The following GGT5 variants were observed in gnomAD, a reference collection of about 807,000 sequenced individuals.
The protein encoded by GGT5 is glutathione hydrolase 5 proenzyme.
Under a neutral mutation model 58.1 loss-of-function variants are expected in GGT5, and 50 were observed. The ratio of observed to expected loss-of-function variants is 0.86; its 90% CI spans 0.69 to 1.09. The LOEUF is 1.09. Among genes scored for constraint, GGT5 ranks in the 50% least tolerant of loss-of-function variants. The pLI, the probability that GGT5 is intolerant of heterozygous loss-of-function variation, is 0.00. For synonymous variants in GGT5, 370 were observed against 346.1 expected (o/e 1.07, Z -0.77); for missense variants, 800 against 789.4 (o/e 1.01, Z -0.16).
chr22:24,230,070 T>C (rs1328300856), intron 6 of GGT5, among the ~76,000 whole-genome samples: 1 of 150,854 alleles, frequency 6.6e-6, no homozygotes, highest in Non-Finnish European at 1.5e-5. Context: ...CCGTCTCTAC[T>C]AAAAAGATAA....
chr22:24,238,900 TA>T (rs2048233356), intron 1 of GGT5, among the ~76,000 whole-genome samples: 1 of 12,096 alleles, frequency 8.3e-5, no homozygotes, highest in African/African-American at 4.3e-4. Flanking sequence ...TTTATATATA[TA>T]TATATTATAT....
intron 1 of GGT5, among the ~76,000 whole-genome samples, chr22:24,234,975 C>A (rs1422140634): frequency 2.6e-5 from 4 of 151,892 alleles, no homozygotes; most frequent in Non-Finnish European, 5.9e-5. Context: ...GGGGCACAGG[C>A]CTGCACAGCT....
chr22:24,244,470 T>A (rs2048417047), intron 1 of GGT5, 83 bp downstream of exon 1: 35 of 1,037,960 alleles, frequency 3.4e-5, no homozygotes, highest in East Asian at 5.2e-5. Flanking sequence ...ATACATTCAC[T>A]CACACACACA....
chr22:24,234,037 TC>T, intron 1 of GGT5, 33 bp from the exon 2 acceptor site: 1 of 1,573,006 alleles, frequency 6.4e-7, no homozygotes, highest in Non-Finnish European at 8.6e-7. Context: ...GCTGTGGGGC[TC>T]CCCTCCCCCT....
chr22:24,244,715 C>T lies in GGT5; in HGVS notation c.11G>A (p.Gly4Asp). The part of the protein sequence containing the change: MAR[G>D]YGATVSLVLL... Reference sequence around the variant, plus strand: ...GACTAGGCTGACCGTGGCCCCGTAGCCCCGGGCCATGGCTCTGCAGCCCAG... The same window carrying T: ...GACTAGGCTGACCGTGGCCCCGTAGTCCCGGGCCATGGCTCTGCAGCCCAG... The change falls in exon 1 of 12, where the codon GGC (glycine) becomes GAC (aspartate). Residue 4 changes from glycine (G) to aspartate (D), a missense_variant. Transcript: ENST00000327365. 1.9e-6 allele frequency: 3 copies of T among 1,610,166 alleles called. No individual in the cohort carries two copies. Among genetic ancestry groups the T allele is most frequent in the Non-Finnish European group, 2.5e-6 (3 of 1,178,836 alleles).
chr22:24,234,115 G>A (rs2048031637), intron 1 of GGT5, 111 bp from the exon 2 acceptor site: 1 of 1,051,224 alleles, frequency 9.5e-7, no homozygotes, highest in East Asian at 2.6e-5. Context: ...CACGTCGGCT[G>A]CCACCAAACC....
In GGT5 at chr22:24,228,057, AAAAAAAAAACAAAAC is replaced by A. The variant is rs1456846563; in HGVS notation, c.902-1305_902-1291del. 8.9e-5 allele frequency among the ~76,000 whole-genome samples: 11 copies of A among 123,446 alleles called. 1 individual carries two copies. Among genetic ancestry groups the A allele is most frequent in the African/African-American group, 2.9e-4 (8 of 28,006 alleles). The allele number at this position is 123,446 out of a possible 152,430, so 81.0% of individuals were successfully genotyped here. A position where few individuals can be genotyped will look rare whatever the true frequency, so the allele number is the denominator to read the frequency against. On this transcript the variant is annotated intron_variant, in intron 6 of 11. Coordinates refer to ENST00000327365, the MANE Select transcript of GGT5 (RefSeq NM_004121.5). ...GAGCAAGACTCTGTCTCAAAAAAAA[AAAAAAAAAACAAAAC>A]AAAAAAAAAAAAACTCTGAAAAATA... is the stretch of plus-strand genomic sequence containing the variant.
chr22:24,231,374 G>A lies in GGT5; in HGVS notation c.901+10C>T, dbSNP rs1328625496. The A allele has an allele frequency of 6.5e-7, 1 of 1,541,210 alleles. No homozygotes were observed. Among genetic ancestry groups the A allele is most frequent in the Admixed American group, 2.0e-5 (1 of 50,976 alleles). On this transcript the variant is annotated intron_variant, in intron 6 of 11. Transcript: ENST00000327365. ...GGGGTGGGCGCCAGGGCTCTGGGCA[G>A]GGGCTTTACCTCTTAGCACGTTGAG...
At chr22:24,228,895 G>A (rs1250402022) in intron 6 of GGT5, among the ~76,000 whole-genome samples, 2 of 151,922 alleles carry the variant, frequency 1.3e-5, no homozygotes, top group Non-Finnish European at 2.9e-5. Context: ...GAGTTCAAGA[G>A]CAGTCTGGCC....
At position 24,224,986 on chromosome 22, in the gene GGT5, T is replaced by C; in HGVS notation, c.1614+10A>G. The C allele has an allele frequency of 6.4e-7, 1 of 1,557,808 alleles. No individual in the cohort carries two copies. The highest frequency in any genetic ancestry group is 8.7e-7 in the Non-Finnish European group (1 of 1,143,426). On this transcript the variant is annotated intron_variant, in intron 11 of 11. Coordinates refer to ENST00000327365, the MANE Select transcript of GGT5 (RefSeq NM_004121.5). ...CTGCCCTAGGCATCCAGCTCGGACC[T>C]CAGCCTCACCTGGCTGAAGTTGGGC...
rs1330856727 is a variant in GGT5 at position 24,238,791 on chromosome 22, ATATT to A, written c.174-4791_174-4788del. On this transcript the variant is annotated intron_variant, in intron 1 of 11. Coordinates refer to ENST00000327365, the MANE Select transcript of GGT5 (RefSeq NM_004121.5). ...TATATATATATATAATATATATTAT[ATATT>A]TATATATATATAATATATTATATAT... Among the ~76,000 whole-genome samples, 2 of 11,432 alleles carry A rather than the reference ATATT, an allele frequency of 1.7e-4. 1 individual carries two copies. Among genetic ancestry groups the A allele is most frequent in the Admixed American group, 5.0e-3 (2 of 402 alleles). 7.5% of individuals were successfully genotyped at this position (11,432 alleles called of 152,430 possible).
At chr22:24,240,491 C>CT (rs200391250) in intron 1 of GGT5, among the ~76,000 whole-genome samples, 5,227 of 144,048 alleles carry the variant, frequency 0.036, 278 homozygotes, top group African/African-American at 0.12. Flanking sequence ...AGCTGTATAA[C>CT]TTTTTTTTTT....
intron 4 of GGT5, among the ~76,000 whole-genome samples, chr22:24,232,445 T>G (rs1255033188): frequency 6.6e-6 from 1 of 152,036 alleles, no homozygotes; most frequent in Non-Finnish European, 1.5e-5. Context: ...GGGGCCTGGG[T>G]CCACCTAGGG....
chr22:24,241,157 C>CGAAAA lies in GGT5; in HGVS notation c.173+3395_173+3396insTTTTC, dbSNP rs1491554724. ...GTGCAACAAGAACAAAACTCCATCTCAAAAAAAAAAAAAAAAAAAAACACG... is the reference window on the plus strand; with the variant it reads ...GTGCAACAAGAACAAAACTCCATCTCGAAAAAAAAAAAAAAAAAAAAAAAAACACG... On this transcript the variant is annotated intron_variant, in intron 1 of 11. Transcript: ENST00000327365. The CGAAAA allele has an allele frequency of 4.1e-5, 3 of 73,392 alleles. 1 individual carries two copies. The highest frequency in any genetic ancestry group is 9.7e-5 in the African/African-American group (2 of 20,620). 4.5% of individuals were successfully genotyped at this position (73,392 alleles called of 1,614,324 possible).
At chr22:24,220,207 C>T in intron 11 of GGT5, 91 bp from the exon 12 acceptor site, 1 of 1,287,880 alleles carries the variant, frequency 7.8e-7, no homozygotes, top group Non-Finnish European at 1.1e-6. Context: ...GAAAAATGAT[C>T]AAAAGGCAAG....
chr22:24,231,335 G>A, intron 6 of GGT5, 49 bp downstream of exon 6: 2 of 1,375,490 alleles, frequency 1.5e-6, no homozygotes, highest in Non-Finnish European at 2.0e-6. Context: ...CCGGGGGCCG[G>A]GGGTGCGGGG....
chr22:24,222,850 G>T (rs1274978246), intron 11 of GGT5, among the ~76,000 whole-genome samples: 2 of 152,150 alleles, frequency 1.3e-5, no homozygotes, highest in Non-Finnish European at 2.9e-5. Flanking sequence ...GGCCAAGGCG[G>T]GCGGATCACA....
chr22:24,231,866 G>C (rs1251593446), intron 5 of GGT5, among the ~76,000 whole-genome samples, 185 bp downstream of exon 5: 1 of 152,132 alleles, frequency 6.6e-6, no homozygotes, highest in East Asian at 1.9e-4. Flanking sequence ...CGCAGGCTCT[G>C]CTCTCTGAGG....
intron 1 of GGT5, among the ~76,000 whole-genome samples, chr22:24,238,541 A>G (rs1261645425): frequency 6.8e-6 from 1 of 146,612 alleles, no homozygotes; most frequent in Admixed American, 7.2e-5. Context: ...TCTCAAAAAA[A>G]AAAAATACAA....
Sources: allele counts gnomAD v4.1 joint callset (sites outside exome capture counted in the v4.1 genomes callset), GRCh38; gene constraint gnomAD v4.1.1; transcripts MANE v1.5; gene names NCBI Gene and HGNC (gene_info 2026-07-23, HGNC 2026-07-21).